The following FGFR3 variants were observed in gnomAD, a reference collection of about 807,000 sequenced individuals.
FGFR3 encodes fibroblast growth factor receptor 3, also known as FGFR-3.
FGFR3 carries 25 observed loss-of-function variants against 82.9 expected under a neutral mutation model. The ratio of observed to expected loss-of-function variants is 0.30; its 90% CI spans 0.22 to 0.42. The LOEUF is 0.42. FGFR3 is among the 10% of genes least tolerant of loss of function. The probability of loss-of-function intolerance (pLI) is 1.00; values close to 1 mark genes in which losing one functional copy is unlikely to be tolerated. For synonymous variants in FGFR3, 620 were observed against 516.0 expected, an observed-to-expected ratio of 1.20 and a Z score of -2.73; for missense variants, 1,026 against 1,161.0, an observed-to-expected ratio of 0.88 and a Z score of 1.69.
intron 2 of FGFR3, among the ~76,000 whole-genome samples, chr4:1,794,276 G>A (rs1720199321): frequency 6.6e-6 from 1 of 152,232 alleles, no homozygotes; most frequent in Non-Finnish European, 1.5e-5. Context: ...GGGGAGCCAG[G>A]CTGGGGGTTG....
Position 1,799,792 on chromosome 4 carries a change from AGGACACAGGTGT to A in FGFR3, c.436_445+2del, listed in dbSNP as rs1030059712. ...GACGAAGACGGGGAGGACGAGGCTG[AGGACACAGGTGT>A]GGACACAGGTAGGAGCAGGGTCCAG... On this transcript the variant is annotated inframe_deletion, in exon 4 of 18. Coordinates refer to ENST00000440486, the MANE Select transcript of FGFR3 (RefSeq NM_000142.5). The A allele has an allele frequency of 1.8e-5, 29 of 1,612,838 alleles. No individual in the cohort carries two copies. The highest frequency in any genetic ancestry group is 8.0e-5 in the African/African-American group (6 of 74,924).
In FGFR3 at chr4:1,807,132, C is replaced by T. The variant is rs759398915; in HGVS notation, c.2291C>T (p.Ser764Leu). ...CGCCAGCAGGAGTACCTGGACCTGT[C>T]GGCGCCTTTCGAGCAGTACTCCCCG... ...VTSTDEYLDLSAPFEQYSPGG... is the reference protein window; with the variant it reads ...VTSTDEYLDLLAPFEQYSPGG... The change falls in exon 18 of 18, where the codon TCG becomes TTG. Residue 764 changes from serine to leucine, a missense_variant. Physicochemically the swap from Ser to Leu is moderately radical, Grantham distance 145 (BLOSUM62 -2). Coordinates refer to ENST00000440486, the MANE Select transcript of FGFR3 (RefSeq NM_000142.5). The T allele has an allele frequency of 4.5e-5, 72 of 1,588,550 alleles. 1 individual carries two copies. Among genetic ancestry groups the T allele is most frequent in the East Asian group, 1.2e-4 (5 of 43,468 alleles).
rs753570742 is a variant in FGFR3, at chr4:1,805,521, C to T, written c.1535-38C>T. On this transcript the variant is annotated intron_variant, in intron 11 of 17. Transcript: ENST00000440486. ...GGGTGCAGAGCAGGGCTGGGGGCGC[C>T]GCCGCCGCCTGACACAGGCCCCCCG... The T allele has an allele frequency of 1.1e-5, 17 of 1,612,332 alleles. 1 individual carries two copies. The highest frequency in any genetic ancestry group is 3.3e-5 in the South Asian group (3 of 91,066).
At position 1,799,197 on chromosome 4, in the gene FGFR3, T is replaced by G. The variant is rs947419217; in HGVS notation, c.110-57T>G. On this transcript the variant is annotated intron_variant, in intron 2 of 17. Transcript: ENST00000440486. ...CCGCCGAGGCTTCCACTGCTGTGTC[T>G]GTAAACGGTGCCGGGTTTGGGGGTG... The G allele has an allele frequency of 3.1e-6, 5 of 1,610,320 alleles. No individual in the cohort carries two copies. In the African/African-American group the frequency reaches 6.7e-5, roughly 22 times the overall value.
At chr4:1,803,203 C>A in intron 7 of FGFR3, 1 of 1,073,804 alleles carries the variant, frequency 9.3e-7, no homozygotes, top group Non-Finnish European at 1.2e-6. Context: ...CTCGGCAAGG[C>A]TGGCAGCTCC....
chr4:1,802,779 A>G, intron 7 of FGFR3: 2 of 1,173,988 alleles, frequency 1.7e-6, no homozygotes, highest in Non-Finnish European at 2.3e-6. Flanking sequence ...AAGTGCCTCC[A>G]CGCCTCCTCC....
intron 2 of FGFR3, among the ~76,000 whole-genome samples, chr4:1,794,668 C>T (rs1471347598): frequency 1.3e-5 from 2 of 152,142 alleles, no homozygotes; most frequent in South Asian, 4.1e-4. Context: ...GCTGGCGGTC[C>T]AGGTCCCGCG....
rs370518637 is a variant in FGFR3 at position 1,801,965 on chromosome 4, C to T, written c.870C>T (p.His290=). 41 of 1,612,692 alleles carry T rather than the reference C, an allele frequency of 2.5e-5. 1 individual carries two copies. The highest frequency in any genetic ancestry group is 1.7e-4 in the African/African-American group (13 of 74,928). ...AGCCCCACATCCAGTGGCTCAAGCA[C>T]GTGGAGGTGAATGGCAGCAAGGTGG... is the stretch of plus-strand genomic sequence containing the variant. ...DAQPHIQWLK[H]VEVNGSKVGP... Residue 290 remains histidine (H), a synonymous_variant, in exon 7 of 18, where the codon CAC becomes CAT. Transcript: ENST00000440486.
At chr4:1,803,948 T>G in intron 8 of FGFR3, 112 bp downstream of exon 8, 3 of 1,219,100 alleles carry the variant, frequency 2.5e-6, no homozygotes, top group Middle Eastern at 2.7e-4. Flanking sequence ...CCGTCCCGCT[T>G]CTTGAGCCCT....
Position 1,806,310 on chromosome 4 carries a change from C to T in FGFR3, c.2013C>T (p.Tyr671=), listed in dbSNP as rs762445233. The change falls in exon 15 of 18, where the codon TAC becomes TAT. Residue 671 remains tyrosine, a synonymous_variant. Transcript: ENST00000440486. ...MAPEALFDRV[Y]THQSDVWSFG... ...CTGAGGCCTTGTTTGACCGAGTCTA[C>T]ACTCACCAGAGTGACGTGTACGTGT... 3 of 1,613,092 alleles carry T rather than the reference C, an allele frequency of 1.9e-6. No homozygotes were observed. Among genetic ancestry groups the T allele is most frequent in the Non-Finnish European group, 2.5e-6 (3 of 1,179,994 alleles).
intron 2 of FGFR3, among the ~76,000 whole-genome samples, chr4:1,798,677 G>A (rs1720823978): frequency 6.6e-6 from 1 of 152,100 alleles, no homozygotes; most frequent in Non-Finnish European, 1.5e-5. Flanking sequence ...CTGTCCATCT[G>A]AACTGCTTTT....
chr4:1,795,764 T>C (rs1412523971), intron 2 of FGFR3, among the ~76,000 whole-genome samples: 1 of 152,050 alleles, frequency 6.6e-6, no homozygotes, highest in Non-Finnish European at 1.5e-5. Context: ...GTACACAAGG[T>C]CGGCTCTCCC....
chr4:1,802,865 G>GC, intron 7 of FGFR3: 1 of 1,545,358 alleles, frequency 6.5e-7, no homozygotes, highest in Non-Finnish European at 8.7e-7. Context: ...CTCGTGCCCG[G>GC]CGGGGCTGCC....
chr4:1,806,474 T>C (rs2108810613), intron 15 of FGFR3, 72 bp from the exon 16 acceptor site: 1 of 1,611,036 alleles, frequency 6.2e-7, no homozygotes, highest in Non-Finnish European at 8.5e-7. Flanking sequence ...AGCCCTGGCC[T>C]ATTCCCCTGG....
intron 2 of FGFR3, among the ~76,000 whole-genome samples, chr4:1,796,032 C>T (rs1471317379): frequency 6.6e-6 from 1 of 152,202 alleles, no homozygotes; most frequent in African/African-American, 2.4e-5. Context: ...CTTGTTACAG[C>T]TGAGCTTGAG....
rs2108773416 is a variant in FGFR3 at position 1,799,428 on chromosome 4, A to G, written c.284A>G (p.Gln95Arg). The G allele has an allele frequency of 6.2e-7, 1 of 1,610,884 alleles. No homozygotes were observed. The highest frequency in any genetic ancestry group is 8.5e-7 in the Non-Finnish European group (1 of 1,179,250). ...GTCCTGGTGGGGCCCCAGCGGCTGC[A>G]GGTGCTGAATGCCTCCCACGAGGAC... ...ERVLVGPQRL[Q>R]VLNASHEDSG... The change falls in exon 3 of 18, where the codon CAG (glutamine) becomes CGG (arginine). Residue 95 changes from glutamine to arginine, a missense_variant. Gln to Arg is a conservative substitution (Grantham distance 43). Coordinates refer to ENST00000440486, the MANE Select transcript of FGFR3 (RefSeq NM_000142.5).
rs1022054412 is a variant in FGFR3 at position 1,793,861 on chromosome 4, G to T, written c.-74G>T. 1.7e-4 allele frequency: 71 copies of T among 427,316 alleles called. No homozygotes were observed. Among genetic ancestry groups the T allele is most frequent in the Non-Finnish European group, 2.2e-4 (69 of 311,082 alleles). 26.5% of individuals were successfully genotyped at this position (427,316 alleles called of 1,614,324 possible). The stretch of plus-strand genomic sequence containing the variant: ...CCCGAGCGGCGCCCGCCTCCCGCCG[G>T]TGCCCGCGCCGGGCCGTGGGGGGCA... On this transcript the variant is annotated 5_prime_UTR_variant, in exon 2 of 18. Coordinates refer to ENST00000440486, the MANE Select transcript of FGFR3 (RefSeq NM_000142.5).
At chr4:1,794,884 G>T (rs868085128) in intron 2 of FGFR3, among the ~76,000 whole-genome samples, 7 of 151,442 alleles carry the variant, frequency 4.6e-5, no homozygotes, top group Admixed American at 1.3e-4. Context: ...GCCTTGGCCC[G>T]GTGAGCTCGC....
intron 8 of FGFR3, 44 bp from the exon 9 acceptor site, chr4:1,804,286 G>GT: frequency 2.4e-6 from 1 of 414,254 alleles, no homozygotes; most frequent in Admixed American, 5.5e-5. Flanking sequence ...GGAGCCCCGT[G>GT]GGGGGGGGGG....
Sources: gnomAD v4.1 joint callset for allele counts (sites outside exome capture counted in the v4.1 genomes callset) on GRCh38, gnomAD v4.1.1 for gene constraint, MANE v1.5 for transcripts, NCBI Gene and HGNC (gene_info 2026-07-23, HGNC 2026-07-21) for gene names.